CNTNAP5: variants seen among roughly 807,000 people sequenced by gnomAD.
The protein encoded by CNTNAP5 is contactin-associated protein-like 5.
CNTNAP5 carries 72 observed loss-of-function variants against 150.2 expected under a neutral mutation model. The observed-to-expected ratio is 0.48, with a 90% confidence interval of 0.40 to 0.58. CNTNAP5 has a LOEUF of 0.58. CNTNAP5 is among the 20% of genes least tolerant of loss of function. The pLI is 0.00. For synonymous variants in CNTNAP5, 672 were observed against 619.8 expected (o/e 1.08, Z -1.25); for missense variants, 1,636 against 1,626.2 (o/e 1.01, Z -0.10).
chr2:124,564,364 A>T (rs1007397094), intron 11 of CNTNAP5, among the ~76,000 whole-genome samples: 2 of 151,956 alleles, frequency 1.3e-5, no homozygotes, highest in African/African-American at 4.8e-5. Context: ...TTATTTATTT[A>T]TTTTTTGAGA....
chr2:124,529,493 C>T (rs541275747), intron 10 of CNTNAP5, among the ~76,000 whole-genome samples: 1 of 152,200 alleles, frequency 6.6e-6, no homozygotes, highest in East Asian at 1.9e-4. Context: ...TCTTGATTTA[C>T]CAGGCACTGT....
Position 124,903,023 on chromosome 2 carries a change from G to T in CNTNAP5, c.3578G>T (p.Gly1193Val). 1 of 1,609,422 alleles carries T rather than the reference G, an allele frequency of 6.2e-7. No homozygotes were observed. Among genetic ancestry groups the T allele is most frequent in the Admixed American group, 1.7e-5 (1 of 59,462 alleles). ...ACTGTCGCGCCTGTGACTGTCCATG[G>T]GACCTTGACGGAATCCAGCTGTGGC... ...HATVAPVTVH[G>V]TLTESSCGFM... is the part of the protein sequence containing the mutation. The change falls in exon 22 of 24, where the codon GGG (glycine) becomes GTG (valine). Residue 1193 changes from glycine (G) to valine (V), a missense_variant. Transcript: ENST00000682447.
intron 1 of CNTNAP5, among the ~76,000 whole-genome samples, chr2:124,139,311 C>CA (rs201530244): frequency 2.0e-5 from 3 of 151,420 alleles, no homozygotes; most frequent in East Asian, 3.9e-4. Flanking sequence ...TTTCAAGAGA[C>CA]AAAAAAGCTC....
intron 16 of CNTNAP5, among the ~76,000 whole-genome samples, chr2:124,767,367 A>G (rs1179875147): frequency 6.6e-6 from 1 of 152,340 alleles, no homozygotes; most frequent in Non-Finnish European, 1.5e-5. Flanking sequence ...AAGACACGCC[A>G]CTATGTTCAC....
At chr2:124,865,942 A>T (rs962247023) in intron 20 of CNTNAP5, among the ~76,000 whole-genome samples, 6 of 145,400 alleles carry the variant, frequency 4.1e-5, no homozygotes, top group South Asian at 2.2e-4. Flanking sequence ...AGACTTCATT[A>T]AAAAAAAAAA....
chr2:124,410,130 G>A (rs184929881), intron 3 of CNTNAP5, among the ~76,000 whole-genome samples: 25 of 152,256 alleles, frequency 1.6e-4, no homozygotes, highest in African/African-American at 6.0e-4. Context: ...AAGAGACAAA[G>A]GAGGCCATTA....
At chr2:124,135,206 A>G (rs746086284) in intron 1 of CNTNAP5, 14 of 152,244 alleles carry the variant, frequency 9.2e-5, no homozygotes, top group Non-Finnish European at 1.8e-4. Context: ...TTCACCTTTT[A>G]TGAAGCGTTA....
At chr2:124,194,403 ATATATAT>A (rs1685532765) in intron 1 of CNTNAP5, among the ~76,000 whole-genome samples, 1 of 9,668 alleles carries the variant, frequency 1.0e-4, no homozygotes. Flanking sequence ...ATATATATAT[ATATATAT>A]AAATATAAAT....
At chr2:124,292,986 C>A (rs1688338504) in intron 3 of CNTNAP5, among the ~76,000 whole-genome samples, 1 of 151,846 alleles carries the variant, frequency 6.6e-6, no homozygotes. Flanking sequence ...GTAGTAGAGA[C>A]AGAGCTAAAG....
At chr2:124,809,251 G>A (rs1187826072) in intron 19 of CNTNAP5, among the ~76,000 whole-genome samples, 1 of 151,996 alleles carries the variant, frequency 6.6e-6, no homozygotes, top group Admixed American at 6.6e-5. Context: ...CAAGACAAAA[G>A]ATGACAATGA....
intron 3 of CNTNAP5, among the ~76,000 whole-genome samples, chr2:124,261,259 A>G (rs1687445788): frequency 6.6e-6 from 1 of 152,158 alleles, no homozygotes; most frequent in Non-Finnish European, 1.5e-5. Context: ...ATCTAAAAAT[A>G]TAAATATCCT....
At chr2:124,510,518 T>TATATATATATACACACACAC (rs10641959) in intron 8 of CNTNAP5, among the ~76,000 whole-genome samples, 1 of 124,918 alleles carries the variant, frequency 8.0e-6, no homozygotes, top group East Asian at 2.2e-4. Flanking sequence ...TATATATATA[T>TATATATATATACACACACAC]ACATATATCT....
chr2:124,362,293 G>T (rs976452651), intron 3 of CNTNAP5, among the ~76,000 whole-genome samples: 1 of 152,194 alleles, frequency 6.6e-6, no homozygotes, highest in Non-Finnish European at 1.5e-5. Context: ...GCTGGGAGCT[G>T]TAGACCGGAG....
chr2:124,859,722 T>A (rs1029438960), intron 19 of CNTNAP5, among the ~76,000 whole-genome samples: 45 of 152,228 alleles, frequency 3.0e-4, no homozygotes, highest in Admixed American at 9.8e-4. Flanking sequence ...TGGAATACTA[T>A]GCAGCCATAA....
chr2:124,340,407 C>T (rs187737859), intron 3 of CNTNAP5, among the ~76,000 whole-genome samples: 6 of 152,022 alleles, frequency 3.9e-5, no homozygotes, highest in East Asian at 1.9e-4. Flanking sequence ...GGTTGGGGAG[C>T]GGGGTAGGAA....
chr2:124,786,355 GAAA>G (rs1320542462), intron 17 of CNTNAP5, among the ~76,000 whole-genome samples: 3 of 44,862 alleles, frequency 6.7e-5, no homozygotes, highest in East Asian at 5.7e-4. Context: ...AAGAAAGGAA[GAAA>G]GAAAGAAAGA....
At chr2:124,524,845 A>G (rs1573435585) in intron 9 of CNTNAP5, among the ~76,000 whole-genome samples, 1 of 152,214 alleles carries the variant, frequency 6.6e-6, no homozygotes, top group Non-Finnish European at 1.5e-5. Context: ...TCAGGTGGAA[A>G]GGCACAATCA....
intron 3 of CNTNAP5, among the ~76,000 whole-genome samples, chr2:124,254,533 C>T (rs902426290): frequency 2.0e-5 from 3 of 152,160 alleles, no homozygotes; most frequent in African/African-American, 4.8e-5. Context: ...AGTAACATGA[C>T]AGAAAATGTA....
rs529451155 is a variant in CNTNAP5 at position 124,206,969 on chromosome 2, T to C, written c.83-14736T>C. The stretch of plus-strand genomic sequence containing the variant: ...TGAAACATAAGCAAACAATTGATTT[T>C]TTTAACTTTTCACATATATTCTGTT... On this transcript the variant is annotated intron_variant, in intron 1 of 23. Transcript: ENST00000682447. Among the ~76,000 whole-genome samples the C allele has an allele frequency of 8.5e-4, 130 of 152,322 alleles. 1 individual carries two copies. The highest frequency in any genetic ancestry group is 1.5e-3 in the Non-Finnish European group (101 of 68,026).
Sources: gnomAD v4.1 joint callset for allele counts (sites outside exome capture counted in the v4.1 genomes callset) on GRCh38, gnomAD v4.1.1 for gene constraint, MANE v1.5 for transcripts, NCBI Gene and HGNC (gene_info 2026-07-23, HGNC 2026-07-21) for gene names.